CDH4: variants seen among roughly 807,000 people sequenced by gnomAD.
The protein encoded by CDH4 is cadherin 4, also known as cadherin-4.
CDH4 carries 33 observed loss-of-function variants against 86.0 expected under a neutral mutation model. That is an observed-to-expected ratio of 0.38 (90% CI 0.29 to 0.51). The LOEUF is 0.51. CDH4 is among the 20% of genes least tolerant of loss of function. The pLI is 0.86. For synonymous variants in CDH4, 555 were observed against 549.4 expected (o/e 1.01, Z -0.14); for missense variants, 1,114 against 1,307.4 (o/e 0.85, Z 2.28).
chr20:61,647,402 G>A (rs1255431476), intron 2 of CDH4, among the ~76,000 whole-genome samples: 1 of 152,146 alleles, frequency 6.6e-6, no homozygotes, highest in African/African-American at 2.4e-5. Flanking sequence ...AAAGCCAAAG[G>A]GGTGATTTGC....
At chr20:61,644,951 A>C (rs541397680) in intron 2 of CDH4, among the ~76,000 whole-genome samples, 7 of 152,338 alleles carry the variant, frequency 4.6e-5, no homozygotes, top group African/African-American at 1.7e-4. Flanking sequence ...AGCCGACTCC[A>C]GACCAGCCTC....
chr20:61,663,916 A>T lies in CDH4; in HGVS notation c.170-79647A>T, dbSNP rs576597761. Among the ~76,000 whole-genome samples the T allele has an allele frequency of 1.3e-5, 2 of 152,198 alleles. No homozygotes were observed. The highest frequency in any genetic ancestry group is 4.8e-5 in the African/African-American group (2 of 41,544). On this transcript the variant is annotated intron_variant, in intron 2 of 15. Coordinates refer to ENST00000614565, the MANE Select transcript of CDH4 (RefSeq NM_001794.5). The surrounding 1 kb of genome is among the most constrained non-coding windows in gnomAD (Gnocchi z 5.0). ...TGGCGCCAGCATCTGTGCCCGCGGC[A>T]GTTTAGAGTGACACTGTCCTCTGTC...
Position 61,608,595 on chromosome 20 carries a change from G to A in CDH4, c.170-134968G>A, listed in dbSNP as rs191179373. Among the ~76,000 whole-genome samples, 131 of 152,338 alleles carry A rather than the reference G, an allele frequency of 8.6e-4. 1 individual carries two copies. Among genetic ancestry groups the A allele is most frequent in the African/African-American group, 2.7e-3 (113 of 41,584 alleles). On this transcript the variant is annotated intron_variant, in intron 2 of 15. Transcript: ENST00000614565. Reference sequence around the variant, plus strand: ...CTCAATTTTGCTTTATGGCATGGGAGTGCTCAACGCAGCCAAGAACGTGGT... The same window carrying A: ...CTCAATTTTGCTTTATGGCATGGGAATGCTCAACGCAGCCAAGAACGTGGT...
intron 2 of CDH4, among the ~76,000 whole-genome samples, chr20:61,303,340 C>T (rs1432481266): frequency 6.6e-6 from 1 of 152,206 alleles, no homozygotes; most frequent in Non-Finnish European, 1.5e-5. Context: ...GTCCAGGTGC[C>T]TGGCCTGGTG....
In CDH4 at chr20:61,266,125, C is replaced by T. The variant is rs1337649275; in HGVS notation, c.169+11188C>T. Among the ~76,000 whole-genome samples the T allele has an allele frequency of 2.6e-5, 4 of 152,248 alleles. 1 individual carries two copies. Among genetic ancestry groups the T allele is most frequent in the Admixed American group, 1.3e-4 (2 of 15,306 alleles). ...AAATATCCACAGGGCCCCAGAGTGCCGCCCGCACCTTGCTAACAGGAAGCT... is the reference window on the plus strand; with the variant it reads ...AAATATCCACAGGGCCCCAGAGTGCTGCCCGCACCTTGCTAACAGGAAGCT... On this transcript the variant is annotated intron_variant, in intron 2 of 15. Coordinates refer to ENST00000614565, the MANE Select transcript of CDH4 (RefSeq NM_001794.5).
intron 2 of CDH4, among the ~76,000 whole-genome samples, chr20:61,352,726 CGTT>C (rs2084720456): frequency 1.3e-5 from 2 of 152,068 alleles, no homozygotes; most frequent in Non-Finnish European, 2.9e-5. Context: ...GGTTTGCAGG[CGTT>C]GTTTTCCTAG....
In CDH4 at chr20:61,399,512, C is replaced by G. The variant is rs78451835; in HGVS notation, c.169+144575C>G. On this transcript the variant is annotated intron_variant, in intron 2 of 15. Coordinates refer to ENST00000614565, the MANE Select transcript of CDH4 (RefSeq NM_001794.5). ...TAGAGAGCATAGTATCCCTGAGCCC[C>G]TGGCTCATCTCCCAGCTCCCTCTAT... Among the ~76,000 whole-genome samples the G allele has an allele frequency of 7.8e-3, 1,189 of 152,312 alleles. 13 individuals are homozygous for G. The highest frequency in any genetic ancestry group is 0.026 in the African/African-American group (1,092 of 41,572).
intron 2 of CDH4, among the ~76,000 whole-genome samples, chr20:61,741,552 C>T (rs909977898): frequency 9.2e-5 from 14 of 151,678 alleles, no homozygotes; most frequent in Non-Finnish European, 1.9e-4. Flanking sequence ...AGTGCCATGG[C>T]GTGATCTCGG....
intron 2 of CDH4, among the ~76,000 whole-genome samples, chr20:61,734,153 G>T (rs528715152): frequency 6.6e-6 from 1 of 152,340 alleles, no homozygotes; most frequent in East Asian, 1.9e-4. Flanking sequence ...CTTTGGATCC[G>T]CATCACTGCA....
chr20:61,437,116 G>C (rs6089314), intron 2 of CDH4: 4 of 152,204 alleles, frequency 2.6e-5, no homozygotes, highest in Admixed American at 2.0e-4. Context: ...CAAGGAGACC[G>C]TAGAAAGGAA....
chr20:61,677,767 T>TTATA (rs1568750146), intron 2 of CDH4, among the ~76,000 whole-genome samples: 1 of 93,174 alleles, frequency 1.1e-5, no homozygotes, highest in Non-Finnish European at 2.3e-5. Flanking sequence ...GGATGGATGG[T>TTATA]TAGATAGATG....
At position 61,882,782 on chromosome 20, in the gene CDH4, C is replaced by T. The variant is rs927707643; in HGVS notation, c.1050+8882C>T. On this transcript the variant is annotated intron_variant, in intron 7 of 15. Coordinates refer to ENST00000614565, the MANE Select transcript of CDH4 (RefSeq NM_001794.5). ...TGTCTGCGGAAGGGCTGGATATTCCCGAGGGTTTCCCGGCACCCCAGGTGG... is the reference window on the plus strand; with the variant it reads ...TGTCTGCGGAAGGGCTGGATATTCCTGAGGGTTTCCCGGCACCCCAGGTGG... Among the ~76,000 whole-genome samples the T allele has an allele frequency of 1.1e-4, 17 of 152,180 alleles. No individual in the cohort carries two copies. The East Asian group carries it at 1.2e-3, about 10-fold the overall frequency.
chr20:61,688,485 G>A (rs75837176), intron 2 of CDH4, among the ~76,000 whole-genome samples: 1 of 152,210 alleles, frequency 6.6e-6, no homozygotes, highest in African/African-American at 2.4e-5. Context: ...CACGTGCCCT[G>A]CCCTGACAGC....
chr20:61,568,005 T>G (rs904675060), intron 2 of CDH4, among the ~76,000 whole-genome samples: 6 of 152,170 alleles, frequency 3.9e-5, no homozygotes, highest in Non-Finnish European at 8.8e-5. Context: ...ATTTAAAAAT[T>G]TTAGGTAGTC....
At chr20:61,619,721 G>A (rs761691118) in intron 2 of CDH4, among the ~76,000 whole-genome samples, 1 of 152,222 alleles carries the variant, frequency 6.6e-6, no homozygotes, top group African/African-American at 2.4e-5. Context: ...CCTCACGTGA[G>A]CGCTGTTGGA....
intron 2 of CDH4, among the ~76,000 whole-genome samples, chr20:61,671,673 T>A (rs2087389285): frequency 6.7e-6 from 1 of 148,596 alleles, no homozygotes; most frequent in Non-Finnish European, 1.5e-5. Context: ...AATGGATGGA[T>A]GGTGGATGGA....
chr20:61,860,271 G>A (rs377046086), intron 6 of CDH4, among the ~76,000 whole-genome samples: 47 of 152,324 alleles, frequency 3.1e-4, no homozygotes, highest in African/African-American at 1.1e-3. Flanking sequence ...AACCACCTAT[G>A]TTCCAGATTC....
chr20:61,272,530 G>A (rs1206761487), intron 2 of CDH4, among the ~76,000 whole-genome samples: 1 of 152,118 alleles, frequency 6.6e-6, no homozygotes, highest in African/African-American at 2.4e-5. Context: ...TTGCTTAAAT[G>A]CCATATGGGT....
At chr20:61,302,287 T>C (rs1217588433) in intron 2 of CDH4, among the ~76,000 whole-genome samples, 1 of 152,216 alleles carries the variant, frequency 6.6e-6, no homozygotes, top group Admixed American at 6.5e-5. Context: ...CGTTCCTGTG[T>C]GTGCAGTCCG....
Sources: allele counts gnomAD v4.1 joint callset (sites outside exome capture counted in the v4.1 genomes callset), GRCh38; gene constraint gnomAD v4.1.1; non-coding constraint Gnocchi (gnomAD v3.1); transcripts MANE v1.5; gene names NCBI Gene and HGNC (gene_info 2026-07-23, HGNC 2026-07-21).